Variants in CHCHD3 observed in about 807,000 individuals in gnomAD.
The protein encoded by CHCHD3 is coiled-coil-helix-coiled-coil-helix domain containing 3, also known as MICOS complex subunit MIC19.
In CHCHD3, 20 loss-of-function variants were observed where a neutral mutation model predicts 38.2. That is an observed-to-expected ratio of 0.52 (90% CI 0.37 to 0.76). CHCHD3 has a LOEUF of 0.76. CHCHD3 is among the 30% of genes least tolerant of loss of function. The pLI, the probability that CHCHD3 is intolerant of heterozygous loss-of-function variation, is 0.00. For missense variants in CHCHD3, 245 were observed against 279.2 expected (o/e 0.88, Z 0.87); for synonymous variants, 82 against 100.0 (o/e 0.82, Z 1.07).
At chr7:133,061,833 GT>G (rs1241941010) in intron 2 of CHCHD3, among the ~76,000 whole-genome samples, 2 of 152,180 alleles carry the variant, frequency 1.3e-5, no homozygotes, top group Non-Finnish European at 2.9e-5. Flanking sequence ...CGGTGATAAA[GT>G]TTGGAGATCC....
At chr7:132,786,802 A>T (rs1017174056) in intron 7 of CHCHD3, among the ~76,000 whole-genome samples, 1 of 152,242 alleles carries the variant, frequency 6.6e-6, no homozygotes, top group African/African-American at 2.4e-5. Flanking sequence ...GCTAATTTTT[A>T]TTTATTTGCT....
chr7:132,821,215 A>T (rs937738161), intron 6 of CHCHD3, among the ~76,000 whole-genome samples: 25 of 152,232 alleles, frequency 1.6e-4, no homozygotes, highest in Non-Finnish European at 3.4e-4. Flanking sequence ...TGACTACAGT[A>T]ATTATTAATA....
intron 4 of CHCHD3, among the ~76,000 whole-genome samples, chr7:132,906,680 A>G (rs1431847191): frequency 1.3e-5 from 2 of 151,752 alleles, no homozygotes; most frequent in Admixed American, 6.6e-5. Flanking sequence ...TAATGATGAC[A>G]TGATCAAGGA....
chr7:132,915,516 CT>C (rs1441150725), intron 4 of CHCHD3, among the ~76,000 whole-genome samples: 1 of 152,102 alleles, frequency 6.6e-6, no homozygotes, highest in Non-Finnish European at 1.5e-5. Context: ...TCTCTTGTAT[CT>C]TTTTTTCTTT....
rs541737098 is a variant in CHCHD3, at chr7:132,985,769, G to A, written c.252-10483C>T. 6.6e-5 allele frequency among the ~76,000 whole-genome samples: 6 copies of A among 90,954 alleles called. 2 individuals are homozygous for A. The highest frequency in any genetic ancestry group is 4.1e-4 in the East Asian group (1 of 2,442). 59.7% of individuals were successfully genotyped at this position (90,954 alleles called of 152,430 possible). A position where few individuals can be genotyped will look rare whatever the true frequency, so the allele number is the denominator to read the frequency against. ...CCCCACCCGGCCAGCCACCCCGTCC[G>A]GGAGGGAGGCGGGGGGGTCAGCCCC... is the stretch of plus-strand genomic sequence containing the variant. On this transcript the variant is annotated intron_variant, in intron 3 of 7. Transcript: ENST00000262570.
intron 1 of CHCHD3, among the ~76,000 whole-genome samples, chr7:133,078,376 T>C (rs1364940402): frequency 6.6e-6 from 1 of 152,174 alleles, no homozygotes; most frequent in Non-Finnish European, 1.5e-5. Flanking sequence ...TTATTCTTTA[T>C]ACATTAAGAT....
chr7:132,915,458 C>T lies in CHCHD3; in HGVS notation c.370-29713G>A, dbSNP rs556764067. 5.3e-5 allele frequency among the ~76,000 whole-genome samples: 8 copies of T among 152,236 alleles called. No homozygotes were observed. The East Asian group carries it at 1.5e-3, about 29-fold the overall frequency. On this transcript the variant is annotated intron_variant, in intron 4 of 7. Coordinates refer to ENST00000262570, the MANE Select transcript of CHCHD3 (RefSeq NM_017812.4). ...TTCCTTTTGAGCTGTTCCCCATATCCGTCCCCTCCCTTATCTATCCTTCCA... is the reference window on the plus strand; with the variant it reads ...TTCCTTTTGAGCTGTTCCCCATATCTGTCCCCTCCCTTATCTATCCTTCCA...
intron 4 of CHCHD3, among the ~76,000 whole-genome samples, chr7:132,940,316 C>T (rs1214179771): frequency 6.6e-6 from 1 of 152,158 alleles, no homozygotes; most frequent in African/African-American, 2.4e-5. Context: ...TCAGACAGTT[C>T]AAGATTTTAG....
At chr7:132,925,352 T>C (rs996947368) in intron 4 of CHCHD3, among the ~76,000 whole-genome samples, 1 of 152,216 alleles carries the variant, frequency 6.6e-6, no homozygotes, top group Non-Finnish European at 1.5e-5. Context: ...TGCATTAACC[T>C]GGTACTACTG....
chr7:132,926,533 G>A (rs1172216569), intron 4 of CHCHD3, among the ~76,000 whole-genome samples: 3 of 152,158 alleles, frequency 2.0e-5, no homozygotes, highest in South Asian at 2.1e-4. Flanking sequence ...TATTCTATCC[G>A]TAAAAGGAAT....
rs142581364 is a variant in CHCHD3, at chr7:132,818,516, A to G, written c.524+19883T>C. On this transcript the variant is annotated intron_variant, in intron 6 of 7. Coordinates refer to ENST00000262570, the MANE Select transcript of CHCHD3 (RefSeq NM_017812.4). ...ATAGACTGGTATAACAGACAATAGA[A>G]ACCTCATGGGGGAAAGTGGGTGGGT... 2.9e-3 allele frequency among the ~76,000 whole-genome samples: 441 copies of G among 152,348 alleles called. 1 individual carries two copies. Among genetic ancestry groups the G allele is most frequent in the African/African-American group, 0.01 (422 of 41,578 alleles).
intron 4 of CHCHD3, among the ~76,000 whole-genome samples, chr7:132,956,281 T>C (rs1395620056): frequency 6.6e-6 from 1 of 152,226 alleles, no homozygotes; most frequent in Non-Finnish European, 1.5e-5. Context: ...CACCAATTCC[T>C]CTTACTGAAA....
chr7:132,910,361 C>G (rs977947422), intron 4 of CHCHD3, among the ~76,000 whole-genome samples: 1 of 152,190 alleles, frequency 6.6e-6, no homozygotes, highest in Non-Finnish European at 1.5e-5. Flanking sequence ...AAGAGTTGCC[C>G]TGGCTCCTAT....
intron 5 of CHCHD3, among the ~76,000 whole-genome samples, chr7:132,854,989 T>C (rs941809426): frequency 1.3e-5 from 2 of 152,186 alleles, no homozygotes; most frequent in African/African-American, 4.8e-5. Context: ...GTTCATATCG[T>C]TTGATTTTAT....
At chr7:132,974,163 T>C (rs1043984444) in intron 4 of CHCHD3, 5 of 482,434 alleles carry the variant, frequency 1.0e-5, no homozygotes, top group African/African-American at 8.2e-5. Context: ...ACACCATCTA[T>C]AGCATTATCT....
chr7:132,912,129 A>G (rs1377373081), intron 4 of CHCHD3, among the ~76,000 whole-genome samples: 2 of 152,238 alleles, frequency 1.3e-5, no homozygotes, highest in East Asian at 3.8e-4. Context: ...GACTTTTGTT[A>G]TATAGGCCAC....
intron 6 of CHCHD3, among the ~76,000 whole-genome samples, chr7:132,834,836 T>C (rs977591868): frequency 2.0e-5 from 3 of 152,136 alleles, no homozygotes; most frequent in African/African-American, 7.2e-5. Context: ...TGGAGCCTCA[T>C]TAAACTGCTT....
chr7:132,964,771 C>T (rs1013753261), intron 4 of CHCHD3, among the ~76,000 whole-genome samples: 1 of 152,120 alleles, frequency 6.6e-6, no homozygotes, highest in Non-Finnish European at 1.5e-5. Context: ...ACAAATAGCA[C>T]TTCCTTTGAC....
chr7:132,972,893 A>C, intron 4 of CHCHD3: 1 of 985,468 alleles, frequency 1.0e-6, no homozygotes, highest in Non-Finnish European at 1.2e-6. Context: ...CTCATGCTTC[A>C]CCAGCTACAC....
Sources: gnomAD v4.1 joint callset for allele counts (sites outside exome capture counted in the v4.1 genomes callset) on GRCh38, gnomAD v4.1.1 for gene constraint, MANE v1.5 for transcripts, NCBI Gene and HGNC (gene_info 2026-07-23, HGNC 2026-07-21) for gene names.